C2CD4A: variants seen among roughly 807,000 people sequenced by gnomAD.
The protein encoded by C2CD4A is C2 calcium-dependent domain-containing protein 4A.
C2CD4A carries 2 observed loss-of-function variants against 0.4 expected under a neutral mutation model. That is an observed-to-expected ratio of 4.45 (90% confidence interval 1.82 to 13.99). C2CD4A has a LOEUF of 13.99. C2CD4A is among the 30% of genes most tolerant of loss of function. The pLI is 0.04. For synonymous variants in C2CD4A, 297 were observed against 280.8 expected, an observed-to-expected ratio of 1.06 and a Z score of -0.58; for missense variants, 610 against 574.2, an observed-to-expected ratio of 1.06 and a Z score of -0.64.
rs772902097 is a variant in C2CD4A at position 62,068,343 on chromosome 15, G to T, written c.730G>T (p.Ala244Ser). ...GGTCCCGTTTCCCGAGCGCCTGGAG[G>T]CCGAGGGCACCGTGGCTCTGGGCCG... is the stretch of plus-strand genomic sequence containing the variant. ...SRVPFPERLE[A>S]EGTVALGRAG... The change falls in exon 2 of 2, where the codon GCC (alanine) becomes TCC (serine). Residue 244 changes from alanine (A) to serine (S), a missense_variant. Transcript: ENST00000355522. The T allele has an allele frequency of 3.3e-5, 46 of 1,410,582 alleles. No homozygotes were observed. The Middle Eastern group carries it at 7.7e-4, about 24-fold the overall frequency. The allele number at this position is 1,410,582 out of a possible 1,614,324, so 87.4% of individuals were successfully genotyped here.
At position 62,067,966 on chromosome 15, in the gene C2CD4A, A is replaced by G; in HGVS notation, c.353A>G (p.Glu118Gly). 1 of 1,521,994 alleles carries G rather than the reference A, an allele frequency of 6.6e-7. No individual in the cohort carries two copies. Among genetic ancestry groups the G allele is most frequent in the Non-Finnish European group, 8.8e-7 (1 of 1,142,470 alleles). The allele number at this position is 1,521,994 out of a possible 1,614,324, so 94.3% of individuals were successfully genotyped here. ...LLESPHTRRK[E>G]SLLLGGPPAP... ...GAGAGCCCGCACACGCGCCGCAAGGAGTCGCTCCTGCTCGGGGGCCCGCCC... is the reference window on the plus strand; with the variant it reads ...GAGAGCCCGCACACGCGCCGCAAGGGGTCGCTCCTGCTCGGGGGCCCGCCC... The change falls in exon 2 of 2, where the codon GAG becomes GGG. Residue 118 changes from glutamate (E) to glycine (G), a missense_variant. By Grantham distance (98) the Glu-to-Gly change is moderately conservative. Coordinates refer to ENST00000355522, the MANE Select transcript of C2CD4A (RefSeq NM_207322.3).
chr15:62,070,284 A>C lies in C2CD4A; in HGVS notation c.*1561A>C. On this transcript the variant is annotated 3_prime_UTR_variant, in exon 2 of 2. Transcript: ENST00000355522. ...ACTCCATTATCAATCTGGATTCAGA[A>C]ATGGTTTCTGCTTTATTTTATTTCA... The C allele has an allele frequency of 2.4e-6, 1 of 413,152 alleles. No homozygotes were observed. The highest frequency in any genetic ancestry group is 4.4e-6 in the Non-Finnish European group (1 of 226,148). 25.6% of individuals were successfully genotyped at this position (413,152 alleles called of 1,614,324 possible).
Position 62,068,212 on chromosome 15 carries a change from G to A in C2CD4A, c.599G>A (p.Arg200His). The A allele has an allele frequency of 7.4e-7, 1 of 1,357,322 alleles. No homozygotes were observed. The highest frequency in any genetic ancestry group is 2.8e-4 in the Middle Eastern group (1 of 3,588). 84.1% of individuals were successfully genotyped at this position (1,357,322 alleles called of 1,614,324 possible). The change falls in exon 2 of 2, where the codon CGC (arginine) becomes CAC (histidine). Residue 200 changes from arginine to histidine, a missense_variant. Arg to His is a conservative substitution (Grantham distance 29, BLOSUM62 0). Coordinates refer to ENST00000355522, the MANE Select transcript of C2CD4A (RefSeq NM_207322.3). ...SRALRAGRSR[R>H]LTRVRSVSSG... ...GCGCTGCGGGCTGGGAGGAGTCGCC[G>A]CCTGACCCGCGTCCGCTCCGTCTCC...
At chr15:62,067,499 G>A (rs771979824) in intron 1 of C2CD4A, 86 bp from the exon 2 acceptor site, 2 of 1,169,526 alleles carry the variant, frequency 1.7e-6, no homozygotes, top group Non-Finnish European at 2.3e-6. Context: ...GAAACACCCC[G>A]AAAGTATTAA....
Position 62,068,229 on chromosome 15 carries a change from T to G in C2CD4A, c.616T>G (p.Ser206Ala). ...GAGTCGCCGCCTGACCCGCGTCCGCTCCGTCTCCAGCGGGAACGAGGACAA... is the reference window on the plus strand; with the variant it reads ...GAGTCGCCGCCTGACCCGCGTCCGCGCCGTCTCCAGCGGGAACGAGGACAA... ...GRSRRLTRVRSVSSGNEDKER... is the reference protein window; with the variant it reads ...GRSRRLTRVRAVSSGNEDKER... The change falls in exon 2 of 2, where the codon TCC becomes GCC. Residue 206 changes from serine to alanine, a missense_variant. By Grantham distance (99) the Ser-to-Ala change is moderately conservative. Coordinates refer to ENST00000355522, the MANE Select transcript of C2CD4A (RefSeq NM_207322.3). 3 of 1,374,936 alleles carry G rather than the reference T, an allele frequency of 2.2e-6. No individual in the cohort carries two copies. Among genetic ancestry groups the G allele is most frequent in the Middle Eastern group, 2.7e-4 (1 of 3,682 alleles). The allele number at this position is 1,374,936 out of a possible 1,614,324, so 85.2% of individuals were successfully genotyped here. A position where few individuals can be genotyped will look rare whatever the true frequency, so the allele number is the denominator to read the frequency against.
Position 62,068,384 on chromosome 15 carries a change from G to C in C2CD4A, c.771G>C (p.Leu257=), listed in dbSNP as rs2049061437. 1 of 1,369,782 alleles carries C rather than the reference G, an allele frequency of 7.3e-7. No homozygotes were observed. The highest frequency in any genetic ancestry group is 9.4e-7 in the Non-Finnish European group (1 of 1,067,534). The allele number at this position is 1,369,782 out of a possible 1,614,324, so 84.9% of individuals were successfully genotyped here. A position where few individuals can be genotyped will look rare whatever the true frequency, so the allele number is the denominator to read the frequency against. The part of the protein sequence containing the change: ...TVALGRAGDA[L]RLAAEYCPGT... ...CTCTGGGCCGCGCCGGCGACGCCCT[G>C]CGCCTGGCCGCCGAGTACTGTCCGG... Residue 257 remains leucine (L), a synonymous_variant, in exon 2 of 2, where the codon CTG becomes CTC. Coordinates refer to ENST00000355522, the MANE Select transcript of C2CD4A (RefSeq NM_207322.3).
rs1162865712 is a variant in C2CD4A, at chr15:62,068,649, G to A, written c.1036G>A (p.Glu346Lys). ...RLAVRVKARDEGRGRERGRLL... is the reference protein window; with the variant it reads ...RLAVRVKARDKGRGRERGRLL... ...GGCCGTTCGAGTCAAGGCCCGGGACGAGGGCCGCGGCCGGGAGCGGGGCCG... is the reference window on the plus strand; with the variant it reads ...GGCCGTTCGAGTCAAGGCCCGGGACAAGGGCCGCGGCCGGGAGCGGGGCCG... Residue 346 changes from glutamate to lysine, a missense_variant, in exon 2 of 2, where the codon GAG becomes AAG. Physicochemically the swap from Glu to Lys is moderately conservative, Grantham distance 56. Transcript: ENST00000355522. 7.7e-6 allele frequency: 12 copies of A among 1,550,666 alleles called. No individual in the cohort carries two copies. The highest frequency in any genetic ancestry group is 1.0e-5 in the Non-Finnish European group (12 of 1,146,962).
At position 62,070,607 on chromosome 15, in the gene C2CD4A, T is replaced by C. The variant is rs1019084334; in HGVS notation, c.*1884T>C. 2.4e-6 allele frequency: 1 copy of C among 413,126 alleles called. No homozygotes were observed. Among genetic ancestry groups the C allele is most frequent in the Non-Finnish European group, 4.4e-6 (1 of 225,994 alleles). 25.6% of individuals were successfully genotyped at this position (413,126 alleles called of 1,614,324 possible). The stretch of plus-strand genomic sequence containing the variant: ...AAAGAGTTTCTGTTTCAGTCACAAA[T>C]TAGGGTTATTGTGATGTGTATTTAT... On this transcript the variant is annotated 3_prime_UTR_variant, in exon 2 of 2. Transcript: ENST00000355522.
rs1192157952 is a variant in C2CD4A at position 62,070,585 on chromosome 15, G to A, written c.*1862G>A. 13 of 413,386 alleles carry A rather than the reference G, an allele frequency of 3.1e-5. No homozygotes were observed. The South Asian group carries it at 1.7e-3, about 53-fold the overall frequency. 25.6% of individuals were successfully genotyped at this position (413,386 alleles called of 1,614,324 possible). ...TACAAAATTCGAAGAAAAAAGAAAA[G>A]AGTTTCTGTTTCAGTCACAAATTAG... On this transcript the variant is annotated 3_prime_UTR_variant, in exon 2 of 2. Transcript: ENST00000355522.
At position 62,067,699 on chromosome 15, in the gene C2CD4A, C is replaced by G; in HGVS notation, c.86C>G (p.Ala29Gly). The G allele has an allele frequency of 6.2e-7, 1 of 1,609,412 alleles. No individual in the cohort carries two copies. The highest frequency in any genetic ancestry group is 1.1e-5 in the South Asian group (1 of 91,060). ...DWLLPGRARG[A>G]KSRTTAACAN... ...CTTCTCCCGGGTCGGGCCCGCGGAG[C>G]CAAGTCTCGCACCACCGCCGCGTGC... Residue 29 changes from alanine to glycine, a missense_variant, in exon 2 of 2, where the codon GCC becomes GGC. Ala to Gly is a moderately conservative substitution (Grantham distance 60). Transcript: ENST00000355522.
In C2CD4A at chr15:62,068,241, G is replaced by T. The variant is rs2049059564; in HGVS notation, c.628G>T (p.Gly210Trp). 6.5e-6 allele frequency: 9 copies of T among 1,375,310 alleles called. 1 individual carries two copies. The South Asian group carries it at 1.3e-4, about 19-fold the overall frequency. 85.2% of individuals were successfully genotyped at this position (1,375,310 alleles called of 1,614,324 possible). A position where few individuals can be genotyped will look rare whatever the true frequency, so the allele number is the denominator to read the frequency against. Residue 210 changes from glycine (G) to tryptophan (W), a missense_variant, in exon 2 of 2, where the codon GGG becomes TGG. Transcript: ENST00000355522. ...GACCCGCGTCCGCTCCGTCTCCAGC[G>T]GGAACGAGGACAAGGAGCGCCGCGC... ...RLTRVRSVSS[G>W]NEDKERRAGS...
chr15:62,068,515 C>T lies in C2CD4A; in HGVS notation c.902C>T (p.Pro301Leu), dbSNP rs748350084. The change falls in exon 2 of 2, where the codon CCG becomes CTG. Residue 301 changes from proline to leucine, a missense_variant. Coordinates refer to ENST00000355522, the MANE Select transcript of C2CD4A (RefSeq NM_207322.3). ...SCRLSLVLRPPGTALRQCSTV... is the reference protein window; with the variant it reads ...SCRLSLVLRPLGTALRQCSTV... The stretch of plus-strand genomic sequence containing the variant: ...CGCCTCAGCCTCGTCCTGCGGCCGC[C>T]GGGCACCGCGCTTCGGCAATGCAGC... The T allele has an allele frequency of 2.7e-5, 41 of 1,518,318 alleles. 1 individual carries two copies. The South Asian group carries it at 3.9e-4, about 15-fold the overall frequency. 94.1% of individuals were successfully genotyped at this position (1,518,318 alleles called of 1,614,324 possible).
Position 62,067,606 on chromosome 15 carries a change from G to T in C2CD4A, c.-8G>T, listed in dbSNP as rs776142579. 6.3e-7 allele frequency: 1 copy of T among 1,576,514 alleles called. No homozygotes were observed. The highest frequency in any genetic ancestry group is 1.3e-5 in the African/African-American group (1 of 74,668). On this transcript the variant is annotated 5_prime_UTR_variant, in exon 2 of 2. Coordinates refer to ENST00000355522, the MANE Select transcript of C2CD4A (RefSeq NM_207322.3). Reference sequence around the variant, plus strand: ...GCAGGTAGACAAGCTCCAGCAGAGAGTGGCCAGATGTGGTGCCTGGAGCGA... The same window carrying T: ...GCAGGTAGACAAGCTCCAGCAGAGATTGGCCAGATGTGGTGCCTGGAGCGA...
Position 62,068,152 on chromosome 15 carries a change from G to T in C2CD4A, c.539G>T (p.Arg180Leu). 1 of 1,217,872 alleles carries T rather than the reference G, an allele frequency of 8.2e-7. No individual in the cohort carries two copies. Among genetic ancestry groups the T allele is most frequent in the Non-Finnish European group, 1.0e-6 (1 of 981,006 alleles). The allele number at this position is 1,217,872 out of a possible 1,614,324, so 75.4% of individuals were successfully genotyped here. A position where few individuals can be genotyped will look rare whatever the true frequency, so the allele number is the denominator to read the frequency against. ...CTCGCCCGGCGGCCCCGCGGCTGCC[G>T]CCTCCTGCGCGTCCCCGACGGGCTG... is the stretch of plus-strand genomic sequence containing the variant. ...DALARRPRGC[R>L]LLRVPDGLLS... The change falls in exon 2 of 2, where the codon CGC becomes CTC. Residue 180 changes from arginine (R) to leucine (L), a missense_variant. Transcript: ENST00000355522.
In C2CD4A at chr15:62,070,735, T is replaced by C. The variant is rs769665050; in HGVS notation, c.*2012T>C. The stretch of plus-strand genomic sequence containing the variant: ...GTTGTTGACCAAATGAATGATGACA[T>C]AGAGTAGTTCAGATCTATCATGTGC... On this transcript the variant is annotated 3_prime_UTR_variant, in exon 2 of 2. Coordinates refer to ENST00000355522, the MANE Select transcript of C2CD4A (RefSeq NM_207322.3). The C allele has an allele frequency of 9.7e-5, 37 of 382,352 alleles. No homozygotes were observed. The highest frequency in any genetic ancestry group is 3.2e-4 in the Admixed American group (7 of 21,636). 23.7% of individuals were successfully genotyped at this position (382,352 alleles called of 1,614,324 possible). A position where few individuals can be genotyped will look rare whatever the true frequency, so the allele number is the denominator to read the frequency against.
At chr15:62,067,281 C>T (rs1037435116) in intron 1 of C2CD4A, among the ~76,000 whole-genome samples, 193 bp downstream of exon 1, 2 of 152,190 alleles carry the variant, frequency 1.3e-5, no homozygotes, top group South Asian at 2.1e-4. Context: ...GCACAGAGAA[C>T]AGAGCGACTG....
Position 62,068,634 on chromosome 15 carries a change from G to C in C2CD4A, c.1021G>C (p.Val341Leu). 6.4e-7 allele frequency: 1 copy of C among 1,555,406 alleles called. No homozygotes were observed. Among genetic ancestry groups the C allele is most frequent in the Non-Finnish European group, 8.7e-7 (1 of 1,149,678 alleles). ...EDEVRRLAVRVKARDEGRGRE... is the reference protein window; with the variant it reads ...EDEVRRLAVRLKARDEGRGRE... ...CGAAGTGCGCCGCCTGGCCGTTCGA[G>C]TCAAGGCCCGGGACGAGGGCCGCGG... The change falls in exon 2 of 2, where the codon GTC becomes CTC. Residue 341 changes from valine to leucine, a missense_variant. By Grantham distance (32) the Val-to-Leu change is conservative. Transcript: ENST00000355522.
Position 62,068,468 on chromosome 15 carries a change from C to A in C2CD4A, c.855C>A (p.Pro285=), listed in dbSNP as rs898608075. 28 of 1,446,342 alleles carry A rather than the reference C, an allele frequency of 1.9e-5. No homozygotes were observed. The highest frequency in any genetic ancestry group is 2.4e-5 in the Non-Finnish European group (27 of 1,106,802). The allele number at this position is 1,446,342 out of a possible 1,614,324, so 89.6% of individuals were successfully genotyped here. The part of the protein sequence containing the change: ...LRAESPAGGA[P]GPRAVSCRLS... Reference sequence around the variant, plus strand: ...CCGAGAGCCCGGCCGGAGGCGCCCCCGGGCCCCGAGCCGTCAGCTGTCGCC... The same window carrying A: ...CCGAGAGCCCGGCCGGAGGCGCCCCAGGGCCCCGAGCCGTCAGCTGTCGCC... Residue 285 remains proline (P), a synonymous_variant, in exon 2 of 2, where the codon CCC becomes CCA. Transcript: ENST00000355522.
In C2CD4A at chr15:62,067,874, G is replaced by T. The variant is rs745386713; in HGVS notation, c.261G>T (p.Ser87=). ...GCCGCACAGACTGGGACCCGCGCTC[G>T]CAGGCCGCGCTGTCACTGCCGCACC... ...GAGRTDWDPR[S]QAALSLPHLP... is the part of the protein sequence containing the mutation. The change falls in exon 2 of 2, where the codon TCG becomes TCT. Residue 87 remains serine (S), a synonymous_variant. Transcript: ENST00000355522. 1.4e-5 allele frequency: 23 copies of T among 1,605,414 alleles called. No individual in the cohort carries two copies. The East Asian group carries it at 5.1e-4, about 36-fold the overall frequency.
Sources: allele counts gnomAD v4.1 joint callset (sites outside exome capture counted in the v4.1 genomes callset), GRCh38; gene constraint gnomAD v4.1.1; transcripts MANE v1.5; gene names NCBI Gene and HGNC (gene_info 2026-07-23, HGNC 2026-07-21).